Variants in PDGFD observed in about 807,000 individuals in gnomAD.
PDGFD encodes the protein platelet-derived growth factor D.
Under a neutral mutation model 44.7 loss-of-function variants are expected in PDGFD, and 30 were observed. That is an observed-to-expected ratio of 0.67 (90% CI 0.50 to 0.91). The LOEUF (loss-of-function observed/expected upper bound fraction) is 0.91. PDGFD is among the 40% of genes least tolerant of loss of function. The pLI, the probability that PDGFD is intolerant of heterozygous loss-of-function variation, is 0.00. For missense variants in PDGFD, 445 were observed against 457.8 expected (o/e 0.97, Z 0.25); for synonymous variants, 173 against 168.4 (o/e 1.03, Z -0.21).
chr11:104,097,799 C>T (rs1861307736), intron 1 of PDGFD, among the ~76,000 whole-genome samples: 1 of 152,144 alleles, frequency 6.6e-6, no homozygotes, highest in African/African-American at 2.4e-5. Flanking sequence ...AACTACTTAA[C>T]AAATGGGCTT....
intron 1 of PDGFD, among the ~76,000 whole-genome samples, chr11:104,128,600 G>T (rs1283907752): frequency 6.6e-6 from 1 of 152,004 alleles, no homozygotes; most frequent in Non-Finnish European, 1.5e-5. Context: ...AAATATATTC[G>T]CTATAAAAAA....
chr11:104,090,042 A>C (rs2134436171), intron 1 of PDGFD, among the ~76,000 whole-genome samples: 1 of 152,320 alleles, frequency 6.6e-6, no homozygotes, highest in African/African-American at 2.4e-5. Context: ...CCTATCAATC[A>C]AATCTATAAC....
intron 1 of PDGFD, among the ~76,000 whole-genome samples, chr11:104,151,319 C>A (rs1016236651): frequency 6.6e-6 from 1 of 152,102 alleles, no homozygotes; most frequent in Non-Finnish European, 1.5e-5. Flanking sequence ...GAACTTTACA[C>A]ACGCATGCAA....
chr11:104,137,253 T>C (rs911970522), intron 1 of PDGFD, among the ~76,000 whole-genome samples: 2 of 152,122 alleles, frequency 1.3e-5, no homozygotes, highest in Non-Finnish European at 2.9e-5. Context: ...AGCTGTATCC[T>C]AAATAAATAA....
intron 3 of PDGFD, 108 bp downstream of exon 3, chr11:103,995,957 G>T: frequency 1.1e-6 from 1 of 933,076 alleles, no homozygotes; most frequent in Non-Finnish European, 1.6e-6. Context: ...ATGTTATAAG[G>T]AACTAATAAA....
intron 1 of PDGFD, among the ~76,000 whole-genome samples, chr11:104,017,059 G>A (rs896839685): frequency 6.6e-6 from 1 of 152,166 alleles, no homozygotes; most frequent in Non-Finnish European, 1.5e-5. Flanking sequence ...ACAAGGCAGA[G>A]CCCTCATGAA....
chr11:104,058,342 A>T (rs965012877), intron 1 of PDGFD, among the ~76,000 whole-genome samples: 1 of 152,242 alleles, frequency 6.6e-6, no homozygotes, highest in Non-Finnish European at 1.5e-5. Flanking sequence ...AAAGATATGA[A>T]GAGATAGGTC....
intron 1 of PDGFD, among the ~76,000 whole-genome samples, chr11:104,104,611 A>G (rs532995827): frequency 6.6e-6 from 1 of 152,286 alleles, no homozygotes. Context: ...GACCAAAGCT[A>G]CAAACCATCT....
At chr11:104,133,293 A>T (rs1455271149) in intron 1 of PDGFD, among the ~76,000 whole-genome samples, 1 of 152,184 alleles carries the variant, frequency 6.6e-6, no homozygotes, top group Admixed American at 6.5e-5. Context: ...TAACAAATTT[A>T]AAATTAGGAA....
At chr11:103,971,430 T>C (rs1169499973) in intron 3 of PDGFD, among the ~76,000 whole-genome samples, 2 of 152,190 alleles carry the variant, frequency 1.3e-5, no homozygotes, top group African/African-American at 4.8e-5. Context: ...CTCATAAATA[T>C]GTAATTTCTC....
chr11:104,019,551 G>A (rs1027477063), intron 1 of PDGFD, among the ~76,000 whole-genome samples: 4 of 152,074 alleles, frequency 2.6e-5, no homozygotes, highest in Admixed American at 1.3e-4. Flanking sequence ...GACACGATAC[G>A]GCCAGGGAGA....
At chr11:103,979,232 T>A (rs1859228638) in intron 3 of PDGFD, among the ~76,000 whole-genome samples, 1 of 152,082 alleles carries the variant, frequency 6.6e-6, no homozygotes, top group African/African-American at 2.4e-5. Flanking sequence ...TCTGTTGCTT[T>A]TAAAAGCAAA....
chr11:104,146,359 C>A (rs1862162765), intron 1 of PDGFD, among the ~76,000 whole-genome samples: 1 of 152,138 alleles, frequency 6.6e-6, no homozygotes, highest in African/African-American at 2.4e-5. Flanking sequence ...AACACAATTG[C>A]CATGGACATC....
intron 1 of PDGFD, among the ~76,000 whole-genome samples, chr11:104,043,240 T>C (rs1028847749): frequency 2.6e-5 from 4 of 152,332 alleles, no homozygotes; most frequent in East Asian, 1.9e-4. Context: ...CAGAATTTTA[T>C]TGACCACCTG....
At chr11:103,939,104 A>G (rs1218273820) in intron 5 of PDGFD, among the ~76,000 whole-genome samples, 3 of 152,148 alleles carry the variant, frequency 2.0e-5, no homozygotes, top group Non-Finnish European at 4.4e-5. Context: ...AGTAATTGGT[A>G]GCTTGATGGG....
intron 1 of PDGFD, among the ~76,000 whole-genome samples, chr11:104,098,330 G>A (rs1861315080): frequency 6.6e-6 from 1 of 152,070 alleles, no homozygotes; most frequent in Non-Finnish European, 1.5e-5. Context: ...GGGCTTTCCA[G>A]AATAGATGAA....
intron 1 of PDGFD, among the ~76,000 whole-genome samples, chr11:104,124,847 G>A (rs1861820907): frequency 6.6e-6 from 1 of 151,992 alleles, no homozygotes; most frequent in South Asian, 2.1e-4. Flanking sequence ...GTCCAGACAA[G>A]TCAGTAAAAT....
chr11:103,907,219 G>T lies in PDGFD; in HGVS notation c.*2475C>A, dbSNP rs1857947301. On this transcript the variant is annotated 3_prime_UTR_variant, in exon 7 of 7. Transcript: ENST00000393158. ...TTCAAAAGCAATATTTATTTTTCAT[G>T]AAGATAAGAGGCATATTACATTCGC... 1 of 151,460 alleles carries T rather than the reference G, an allele frequency of 6.6e-6. No homozygotes were observed. Among genetic ancestry groups the T allele is most frequent in the Non-Finnish European group, 1.5e-5 (1 of 67,940 alleles). The allele number at this position is 151,460 out of a possible 1,614,324, so 9.4% of individuals were successfully genotyped here.
chr11:104,119,533 A>ATT, intron 1 of PDGFD, among the ~76,000 whole-genome samples: 1 of 13,780 alleles, frequency 7.3e-5, no homozygotes, highest in African/African-American at 1.6e-4. Context: ...ATATTGATAT[A>ATT]ATATATAATA....
Sources: allele counts gnomAD v4.1 joint callset (sites outside exome capture counted in the v4.1 genomes callset), GRCh38; gene constraint gnomAD v4.1.1; transcripts MANE v1.5; gene names NCBI Gene and HGNC (gene_info 2026-07-23, HGNC 2026-07-21).